NR3C2: variants seen among roughly 807,000 people sequenced by gnomAD.
NR3C2 encodes the protein mineralocorticoid receptor.
Under a neutral mutation model 86.4 loss-of-function variants are expected in NR3C2, and 15 were observed. That is an observed-to-expected ratio of 0.17 (90% confidence interval 0.12 to 0.27). The LOEUF (loss-of-function observed/expected upper bound fraction) is 0.27, where lower values mean the gene tolerates loss of function less well. Among genes scored for constraint, NR3C2 ranks in the 10% least tolerant of loss-of-function variants. NR3C2 has a pLI of 1.00. For missense variants in NR3C2, 960 were observed against 1,195.6 expected, an observed-to-expected ratio of 0.80 and a Z score of 2.91; for synonymous variants, 458 against 450.5, an observed-to-expected ratio of 1.02 and a Z score of -0.21.
chr4:148,140,268 C>T (rs972765300), intron 6 of NR3C2, among the ~76,000 whole-genome samples: 2 of 152,196 alleles, frequency 1.3e-5, no homozygotes, highest in African/African-American at 4.8e-5. Flanking sequence ...TACTTGGGGG[C>T]CCGAGGTGGA....
intron 8 of NR3C2, among the ~76,000 whole-genome samples, chr4:148,087,695 C>A (rs1452501895): frequency 1.3e-5 from 2 of 152,082 alleles, no homozygotes; most frequent in Non-Finnish European, 2.9e-5. Context: ...CTTCCTTATA[C>A]CTTATACAAA....
intron 2 of NR3C2, among the ~76,000 whole-genome samples, chr4:148,367,343 C>T (rs1210769994): frequency 1.3e-5 from 2 of 152,010 alleles, no homozygotes; most frequent in East Asian, 3.9e-4. Flanking sequence ...CTCTATCGGT[C>T]TATGTCATAT....
intron 8 of NR3C2, among the ~76,000 whole-genome samples, chr4:148,109,586 G>A (rs1304117798): frequency 6.6e-6 from 1 of 152,166 alleles, no homozygotes; most frequent in East Asian, 1.9e-4. Context: ...AGTCACCTCT[G>A]TAAACTAAGC....
chr4:148,333,632 T>G (rs965010861), intron 2 of NR3C2, among the ~76,000 whole-genome samples: 3 of 151,912 alleles, frequency 2.0e-5, no homozygotes, highest in Non-Finnish European at 4.4e-5. Flanking sequence ...CACAGTCACC[T>G]CCTAGGTTCT....
chr4:148,221,287 G>A (rs1737826440), intron 3 of NR3C2, among the ~76,000 whole-genome samples: 1 of 152,076 alleles, frequency 6.6e-6, no homozygotes, highest in African/African-American at 2.4e-5. Flanking sequence ...TTAAATCTCA[G>A]GATTTCCAGA....
At chr4:148,220,071 C>T (rs1349206110) in intron 3 of NR3C2, among the ~76,000 whole-genome samples, 1 of 147,416 alleles carries the variant, frequency 6.8e-6, no homozygotes, top group African/African-American at 2.5e-5. Flanking sequence ...CACAGGTATA[C>T]ACCACTACAC....
intron 3 of NR3C2, among the ~76,000 whole-genome samples, chr4:148,196,828 G>A (rs562931779): frequency 1.3e-5 from 2 of 152,296 alleles, no homozygotes; most frequent in South Asian, 2.1e-4. Flanking sequence ...ATGGGTAGGT[G>A]TAGATAATTA....
chr4:148,154,835 G>GGTGGGT lies in NR3C2; in HGVS notation c.2080_2081insACCCAC (p.Gln693_Pro694insHisPro). 1 of 1,356,256 alleles carries GGTGGGT rather than the reference G, an allele frequency of 7.4e-7. No individual in the cohort carries two copies. Among genetic ancestry groups the GGTGGGT allele is most frequent in the Non-Finnish European group, 1.0e-6 (1 of 1,000,180 alleles). 84.0% of individuals were successfully genotyped at this position (1,356,256 alleles called of 1,614,324 possible). On this transcript the variant is annotated inframe_insertion, in exon 5 of 9. Coordinates refer to ENST00000358102, the MANE Select transcript of NR3C2 (RefSeq NM_000901.5). ...TTGCGGGGGTGGGGGTGGGGGTGGGGGCTGCTGCTGCTGTGGCTGCTCCTC... is the reference window on the plus strand; with the variant it reads ...TTGCGGGGGTGGGGGTGGGGGTGGGGGTGGGTGCTGCTGCTGCTGTGGCTGCTCCTC...
At chr4:148,154,505 C>A (rs1417045336) in intron 5 of NR3C2, 46 bp downstream of exon 5, 4 of 1,582,834 alleles carry the variant, frequency 2.5e-6, no homozygotes, top group African/African-American at 1.3e-5. Flanking sequence ...GTTGCCCAGA[C>A]TTGTTAAGTT....
At chr4:148,409,707 C>T (rs1021235030) in intron 2 of NR3C2, among the ~76,000 whole-genome samples, 2 of 151,682 alleles carry the variant, frequency 1.3e-5, no homozygotes, top group African/African-American at 4.8e-5. Flanking sequence ...AAAATATATC[C>T]ATATTTAAAC....
At chr4:148,097,436 C>G (rs965169156) in intron 8 of NR3C2, among the ~76,000 whole-genome samples, 1 of 152,188 alleles carries the variant, frequency 6.6e-6, no homozygotes, top group African/African-American at 2.4e-5. Flanking sequence ...AGCTGCTGAG[C>G]TGCCCCTGTA....
chr4:148,135,985 A>T lies in NR3C2; in HGVS notation c.2511-15697T>A, dbSNP rs796170454. Among the ~76,000 whole-genome samples, 7 of 109,798 alleles carry T rather than the reference A, an allele frequency of 6.4e-5. No homozygotes were observed. In the East Asian group the frequency reaches 1.7e-3, roughly 27 times the overall value. The allele number at this position is 109,798 out of a possible 152,430, so 72.0% of individuals were successfully genotyped here. The stretch of plus-strand genomic sequence containing the variant: ...GGCAGGATAATGGCGTGAACCCGGG[A>T]GGCGGAGCTTGCAGTGAGCCGAGAT... On this transcript the variant is annotated intron_variant, in intron 6 of 8. Coordinates refer to ENST00000358102, the MANE Select transcript of NR3C2 (RefSeq NM_000901.5).
At chr4:148,375,221 C>T (rs957109009) in intron 2 of NR3C2, among the ~76,000 whole-genome samples, 5 of 152,060 alleles carry the variant, frequency 3.3e-5, no homozygotes, top group African/African-American at 9.7e-5. Context: ...TTTGGGAGGC[C>T]GAGGTTGGCG....
rs188264117 is a variant in NR3C2, at chr4:148,098,244, G to T, written c.2799+15860C>A. ...TGACCAATATATAACCTTGTTTTAT[G>T]CATGTTTCTGTTTAAAGACATCTTA... On this transcript the variant is annotated intron_variant, in intron 8 of 8. Transcript: ENST00000358102. 3.9e-4 allele frequency among the ~76,000 whole-genome samples: 59 copies of T among 152,266 alleles called. No homozygotes were observed. In the East Asian group the frequency reaches 8.7e-3, roughly 22 times the overall value.
chr4:148,096,773 T>G (rs1406057947), intron 8 of NR3C2, among the ~76,000 whole-genome samples: 1 of 152,214 alleles, frequency 6.6e-6, no homozygotes, highest in Non-Finnish European at 1.5e-5. Context: ...ACTCATTCAT[T>G]CATTCACATA....
chr4:148,189,176 A>G (rs1222791416), intron 4 of NR3C2, among the ~76,000 whole-genome samples: 1 of 151,920 alleles, frequency 6.6e-6, no homozygotes, highest in African/African-American at 2.4e-5. Context: ...TGATCCTCCC[A>G]CCTCAGTCTC....
At chr4:148,155,855 C>T (rs890681701) in intron 4 of NR3C2, among the ~76,000 whole-genome samples, 2 of 152,100 alleles carry the variant, frequency 1.3e-5, no homozygotes, top group Non-Finnish European at 2.9e-5. Context: ...TACCTGACTT[C>T]GAACTATACT....
chr4:148,226,893 T>C (rs951431708), intron 3 of NR3C2, among the ~76,000 whole-genome samples: 1 of 152,218 alleles, frequency 6.6e-6, no homozygotes, highest in Non-Finnish European at 1.5e-5. Flanking sequence ...GTTAAGCCTG[T>C]CTTTAAGTCT....
At chr4:148,412,207 G>C (rs991770977) in intron 2 of NR3C2, among the ~76,000 whole-genome samples, 1 of 152,090 alleles carries the variant, frequency 6.6e-6, no homozygotes, top group Non-Finnish European at 1.5e-5. Flanking sequence ...ACTGACCATT[G>C]CTGCACACAA....
Sources: allele counts gnomAD v4.1 joint callset (sites outside exome capture counted in the v4.1 genomes callset), GRCh38; gene constraint gnomAD v4.1.1; transcripts MANE v1.5; gene names NCBI Gene and HGNC (gene_info 2026-07-23, HGNC 2026-07-21).